WDR70: variants seen among roughly 807,000 people sequenced by gnomAD.
WDR70 encodes WD repeat-containing protein 70.
Under a neutral mutation model 88.6 loss-of-function variants are expected in WDR70, and 53 were observed. That is an observed-to-expected ratio of 0.60 (90% confidence interval 0.48 to 0.75). The LOEUF (loss-of-function observed/expected upper bound fraction) is 0.75. Among genes scored for constraint, WDR70 ranks in the 30% least tolerant of loss-of-function variants. The pLI, the probability that WDR70 is intolerant of heterozygous loss-of-function variation, is 0.00. For synonymous variants in WDR70, 280 were observed against 270.0 expected, an observed-to-expected ratio of 1.04 and a Z score of -0.36; for missense variants, 610 against 823.2, an observed-to-expected ratio of 0.74 and a Z score of 3.17.
intron 5 of WDR70, among the ~76,000 whole-genome samples, chr5:37,411,574 A>C (rs1318263199): frequency 6.6e-6 from 1 of 152,164 alleles, no homozygotes; most frequent in Non-Finnish European, 1.5e-5. Context: ...AAAAATACAA[A>C]AATTATCCGG....
At chr5:37,634,579 T>C (rs113812028) in intron 10 of WDR70, among the ~76,000 whole-genome samples, 24 of 152,180 alleles carry the variant, frequency 1.6e-4, no homozygotes, top group African/African-American at 5.5e-4. Context: ...GGAAGACAGA[T>C]TGGAGGAAAT....
At chr5:37,500,983 C>T (rs1280121922) in intron 8 of WDR70, among the ~76,000 whole-genome samples, 2 of 152,082 alleles carry the variant, frequency 1.3e-5, no homozygotes, top group Non-Finnish European at 2.9e-5. Context: ...AGGTGATCAG[C>T]CCGCCTTGGC....
intron 5 of WDR70, among the ~76,000 whole-genome samples, chr5:37,432,301 A>T (rs1750330391): frequency 6.6e-6 from 1 of 151,916 alleles, no homozygotes. Context: ...GCATTTCCTT[A>T]ATTATTAGTG....
At chr5:37,698,938 TG>T (rs1747062759) in intron 11 of WDR70, among the ~76,000 whole-genome samples, 1 of 152,226 alleles carries the variant, frequency 6.6e-6, no homozygotes, top group Non-Finnish European at 1.5e-5. Context: ...ATATGTATTT[TG>T]GTCCATCAAT....
At position 37,516,523 on chromosome 5, in the gene WDR70, G is replaced by T. The variant is rs1178072686; in HGVS notation, c.850G>T (p.Ala284Ser). The T allele has an allele frequency of 6.3e-7, 1 of 1,596,052 alleles. No homozygotes were observed. Among genetic ancestry groups the T allele is most frequent in the Non-Finnish European group, 8.6e-7 (1 of 1,168,356 alleles). Residue 284 changes from alanine to serine, a missense_variant, in exon 9 of 18, where the codon GCA becomes TCA. Physicochemically the swap from Ala to Ser is moderately conservative, Grantham distance 99. Coordinates refer to ENST00000265107, the MANE Select transcript of WDR70 (RefSeq NM_018034.4). Reference sequence around the variant, plus strand: ...TGTCTTTATTTTTAAGGGTCATACAGCAATGCTTCATACTGGCTCATGGCA... The same window carrying T: ...TGTCTTTATTTTTAAGGGTCATACATCAATGCTTCATACTGGCTCATGGCA... ...VDMANTKGHT[A>S]MLHTGSWHPK...
intron 4 of WDR70, among the ~76,000 whole-genome samples, chr5:37,392,693 G>A (rs1748876492): frequency 6.6e-6 from 1 of 152,126 alleles, no homozygotes; most frequent in African/African-American, 2.4e-5. Context: ...CGCCCAGGCT[G>A]GAGTGCAGTG....
At chr5:37,383,099 A>T (rs13161291) in intron 3 of WDR70, among the ~76,000 whole-genome samples, 2 of 152,024 alleles carry the variant, frequency 1.3e-5, no homozygotes, top group African/African-American at 4.8e-5. Context: ...AAAATATAAA[A>T]TATAAAACAA....
At position 37,752,567 on chromosome 5, in the gene WDR70, A is replaced by G. The variant is rs912581160; in HGVS notation, c.1959A>G (p.Lys653=). ...ATGAGCCAGAATGGAAAAAACGTAA[A>G]ATTTGAAGAATCTCATTTGAGAGCT... ...AKNEPEWKKR[K]I is the part of the protein sequence containing the mutation. Residue 653 remains lysine (K), a synonymous_variant, in exon 18 of 18, where the codon AAA becomes AAG. Coordinates refer to ENST00000265107, the MANE Select transcript of WDR70 (RefSeq NM_018034.4). 2.9e-5 allele frequency: 47 copies of G among 1,610,874 alleles called. No individual in the cohort carries two copies. The highest frequency in any genetic ancestry group is 3.8e-5 in the Non-Finnish European group (45 of 1,178,168).
chr5:37,423,102 CAGTGACAAGGT>C (rs1334657691), intron 5 of WDR70, among the ~76,000 whole-genome samples: 1 of 152,068 alleles, frequency 6.6e-6, no homozygotes, highest in Admixed American at 6.6e-5. Flanking sequence ...GGGGCCTTCT[CAGTGACAAGGT>C]AGTGTTCACA....
chr5:37,434,775 T>G (rs1396525579), intron 5 of WDR70, among the ~76,000 whole-genome samples: 1 of 152,236 alleles, frequency 6.6e-6, no homozygotes. Flanking sequence ...AAATGGTATA[T>G]TTTCCTCTCT....
At chr5:37,467,536 T>C (rs1279358124) in intron 7 of WDR70, among the ~76,000 whole-genome samples, 1 of 9,032 alleles carries the variant, frequency 1.1e-4, no homozygotes, top group African/African-American at 1.2e-4. Flanking sequence ...TCATATGAAT[T>C]TTTTTTTTTT....
At position 37,722,849 on chromosome 5, in the gene WDR70, C is replaced by T. The variant is rs766316275; in HGVS notation, c.1518-6C>T. On this transcript the variant is annotated splice_region_variant and splice_polypyrimidine_tract_variant and intron_variant, in intron 14 of 17. Transcript: ENST00000265107. ...AAAGAAAATAATTTGCTTTTACACC[C>T]GTTAGGGGAGCAAAATTATGTGTGG... 5.0e-6 allele frequency: 8 copies of T among 1,613,216 alleles called. No homozygotes were observed. The highest frequency in any genetic ancestry group is 2.2e-5 in the East Asian group (1 of 44,824).
At chr5:37,720,842 T>A (rs1462807521) in intron 13 of WDR70, among the ~76,000 whole-genome samples, 1 of 152,192 alleles carries the variant, frequency 6.6e-6, no homozygotes, top group Non-Finnish European at 1.5e-5. Flanking sequence ...CTGGGAAACC[T>A]AATTTTGTGG....
chr5:37,586,713 G>C (rs1026953497), intron 9 of WDR70, among the ~76,000 whole-genome samples: 2 of 151,764 alleles, frequency 1.3e-5, no homozygotes, highest in Non-Finnish European at 2.9e-5. Flanking sequence ...CCCTCTCCTC[G>C]TATCCCTTTC....
chr5:37,390,802 C>T (rs752243308), intron 3 of WDR70, among the ~76,000 whole-genome samples: 3 of 151,174 alleles, frequency 2.0e-5, no homozygotes, highest in Non-Finnish European at 4.4e-5. Flanking sequence ...CCACAACCTC[C>T]ACCTCTCGGG....
intron 9 of WDR70, among the ~76,000 whole-genome samples, chr5:37,585,454 G>A (rs1316863549): frequency 6.6e-6 from 1 of 152,154 alleles, no homozygotes; most frequent in Non-Finnish European, 1.5e-5. Context: ...AGTGCAGTTG[G>A]AGAGTTACAG....
At chr5:37,422,022 C>A (rs1406094956) in intron 5 of WDR70, among the ~76,000 whole-genome samples, 1 of 151,984 alleles carries the variant, frequency 6.6e-6, no homozygotes, top group Non-Finnish European at 1.5e-5. Context: ...ACAGGCCATC[C>A]TTCTCCCTGG....
At chr5:37,510,196 A>G (rs138723289) in intron 8 of WDR70, among the ~76,000 whole-genome samples, 2,220 of 152,182 alleles carry the variant, frequency 0.015, 23 homozygotes, top group Middle Eastern at 0.034. Flanking sequence ...CAGATTTACC[A>G]ATTGCTAACA....
At chr5:37,436,546 G>C (rs1359804028) in intron 5 of WDR70, among the ~76,000 whole-genome samples, 1 of 152,122 alleles carries the variant, frequency 6.6e-6, no homozygotes, top group African/African-American at 2.4e-5. Context: ...AGTGTGCAGA[G>C]GGATTTATAG....
Sources: gnomAD v4.1 joint callset for allele counts (sites outside exome capture counted in the v4.1 genomes callset) on GRCh38, gnomAD v4.1.1 for gene constraint, MANE v1.5 for transcripts, NCBI Gene and HGNC (gene_info 2026-07-23, HGNC 2026-07-21) for gene names.